Variants in CYP2S1 observed in about 807,000 individuals in gnomAD.
CYP2S1 encodes the protein cytochrome P450 2S1.
A neutral mutation model predicts 43.5 loss-of-function variants in CYP2S1; 32 were observed. That is an observed-to-expected ratio of 0.74 (90% CI 0.56 to 0.99). The LOEUF is 0.99. Among genes scored for constraint, CYP2S1 ranks in the 50% least tolerant of loss-of-function variants. The probability of loss-of-function intolerance (pLI) is 0.00; values close to 1 mark genes in which losing one functional copy is unlikely to be tolerated. For missense variants in CYP2S1, 575 were observed against 673.9 expected (o/e 0.85, Z 1.62); for synonymous variants, 283 against 302.9 (o/e 0.93, Z 0.68).
intron 5 of CYP2S1, 65 bp from the exon 6 acceptor site, chr19:41,201,166 G>T: frequency 6.4e-7 from 1 of 1,561,508 alleles, no homozygotes; most frequent in Non-Finnish European, 8.7e-7. Flanking sequence ...CCCAGGCTTG[G>T]CTGTTCTGGA....
rs1177986170 is a variant in CYP2S1, at chr19:41,194,471, CA to C, written c.178-72del. On this transcript the variant is annotated intron_variant, in intron 1 of 8. Coordinates refer to ENST00000310054, the MANE Select transcript of CYP2S1 (RefSeq NM_030622.8). ...CTAGACCCGGTGGCTCCTCAAGTGA[CA>C]GGGGCCATGATGGAGACACCTTGGA... The C allele has an allele frequency of 2.7e-6, 4 of 1,472,956 alleles. No individual in the cohort carries two copies. The African/African-American group carries it at 5.8e-5, about 21-fold the overall frequency. The allele number at this position is 1,472,956 out of a possible 1,614,324, so 91.2% of individuals were successfully genotyped here.
intron 5 of CYP2S1, 137 bp downstream of exon 5, chr19:41,199,025 C>A: frequency 8.8e-7 from 1 of 1,136,646 alleles, no homozygotes; most frequent in Non-Finnish European, 1.2e-6. Context: ...ATGAGTGTCT[C>A]TGTGCATGTG....
chr19:41,198,524 C>G lies in CYP2S1; in HGVS notation c.556C>G (p.Leu186Val), dbSNP rs1437414042. Residue 186 changes from leucine (L) to valine (V), a missense_variant, in exon 4 of 9, where the codon CTC (leucine) becomes GTC (valine). This residue lies in a region of CYP2S1 where 353 missense variants were observed against 367.6 expected (regional missense o/e 0.96). Transcript: ENST00000310054. This position sits in a 1 kb window ranked among gnomAD's most constrained non-coding sequence, Gnocchi z 4.9. Reference sequence around the variant, plus strand: ...CACCTCCAACGTAGTCTGCTCCCTCCTCTTTGGCCTCCGCTTCTCCTATGA... The same window carrying G: ...CACCTCCAACGTAGTCTGCTCCCTCGTCTTTGGCCTCCGCTTCTCCTATGA... ...QATSNVVCSL[L>V]FGLRFSYEDK... 6.2e-7 allele frequency: 1 copy of G among 1,614,200 alleles called. No individual in the cohort carries two copies. Among genetic ancestry groups the G allele is most frequent in the Admixed American group, 1.7e-5 (1 of 60,026 alleles).
Position 41,207,301 on chromosome 19 carries a change from C to T in CYP2S1, c.*813C>T, listed in dbSNP as rs1421652380. 6.1e-5 allele frequency: 12 copies of T among 198,260 alleles called. No homozygotes were observed. Among genetic ancestry groups the T allele is most frequent in the Non-Finnish European group, 1.3e-4 (12 of 95,982 alleles). The allele number at this position is 198,260 out of a possible 1,614,324, so 12.3% of individuals were successfully genotyped here. On this transcript the variant is annotated 3_prime_UTR_variant, in exon 9 of 9. Coordinates refer to ENST00000310054, the MANE Select transcript of CYP2S1 (RefSeq NM_030622.8). ...GAGGAACACCTGCCCAACCCCAACA[C>T]GTGCTTATGTAACCACGTGGAAAGC...
In CYP2S1 at chr19:41,201,380, C is replaced by T; in HGVS notation, c.976+8C>T. 1 of 1,612,936 alleles carries T rather than the reference C, an allele frequency of 6.2e-7. No homozygotes were observed. The highest frequency in any genetic ancestry group is 8.5e-7 in the Non-Finnish European group (1 of 1,179,390). On this transcript the variant is annotated splice_region_variant and intron_variant, in intron 6 of 8. Transcript: ENST00000310054. ...AATACCCTCATGTCCAAAGTAAGAG[C>T]CTTTTCCACTTGCCAGGCCTTGGGA... is the stretch of plus-strand genomic sequence containing the variant.
At chr19:41,201,421 C>A in intron 6 of CYP2S1, 49 bp downstream of exon 6, 1 of 1,591,648 alleles carries the variant, frequency 6.3e-7, no homozygotes, top group South Asian at 1.1e-5. Flanking sequence ...AGTCAGGGTT[C>A]TAGGCTGAGC....
In CYP2S1 at chr19:41,206,538, C is replaced by T; in HGVS notation, c.*50C>T. On this transcript the variant is annotated 3_prime_UTR_variant, in exon 9 of 9. Transcript: ENST00000310054. ...GTGCCCAGGACGGTGCCTCCAGCCT[C>T]AACAGTGGGCATGGACAGGGTTAAT... 1 of 1,601,568 alleles carries T rather than the reference C, an allele frequency of 6.2e-7. No homozygotes were observed. The highest frequency in any genetic ancestry group is 1.1e-5 in the South Asian group (1 of 90,828).
intron 1 of CYP2S1, 45 bp from the exon 2 acceptor site, chr19:41,194,499 C>G: frequency 6.6e-7 from 1 of 1,507,710 alleles, no homozygotes; most frequent in Non-Finnish European, 8.8e-7. Context: ...CACCTTGGAT[C>G]GAAGAGGTCA....
Position 41,206,971 on chromosome 19 carries a change from C to T in CYP2S1, c.*483C>T, listed in dbSNP as rs930509510. ...CGGGGTCATGCCACCCAGAGACTGT[C>T]GCTGTCTATGGCCCCAACTCATGCT... On this transcript the variant is annotated 3_prime_UTR_variant, in exon 9 of 9. Transcript: ENST00000310054. 13 of 366,968 alleles carry T rather than the reference C, an allele frequency of 3.5e-5. No homozygotes were observed. The highest frequency in any genetic ancestry group is 1.0e-4 in the Admixed American group (3 of 28,788). 22.7% of individuals were successfully genotyped at this position (366,968 alleles called of 1,614,324 possible).
chr19:41,206,269 CT>C lies in CYP2S1; in HGVS notation c.1307-10del. On this transcript the variant is annotated splice_polypyrimidine_tract_variant and intron_variant, in intron 8 of 8. Transcript: ENST00000310054. ...CTGACTCAGCCCTCTCTCTCTCTCT[CT>C]CCTCACCAGGGAAGCGTGTCTGCCT... is the stretch of plus-strand genomic sequence containing the variant. 1 of 1,614,006 alleles carries C rather than the reference CT, an allele frequency of 6.2e-7. No homozygotes were observed. The highest frequency in any genetic ancestry group is 8.5e-7 in the Non-Finnish European group (1 of 1,179,980).
chr19:41,198,552 A>G lies in CYP2S1; in HGVS notation c.584A>G (p.Asp195Gly). ...LLFGLRFSYEDKEFQAVVRAA... is the reference protein window; with the variant it reads ...LLFGLRFSYEGKEFQAVVRAA... ...TTTGGCCTCCGCTTCTCCTATGAGG[A>G]TAAGGAGTTCCAGGCCGTGGTCCGG... is the stretch of plus-strand genomic sequence containing the variant. Residue 195 changes from aspartate (D) to glycine (G), a missense_variant, in exon 4 of 9, where the codon GAT (aspartate) becomes GGT (glycine). Coordinates refer to ENST00000310054, the MANE Select transcript of CYP2S1 (RefSeq NM_030622.8). The surrounding 1 kb of genome is among the most constrained non-coding windows in gnomAD (Gnocchi z 4.9). The G allele has an allele frequency of 6.2e-7, 1 of 1,614,066 alleles. No homozygotes were observed. Among genetic ancestry groups the G allele is most frequent in the Non-Finnish European group, 8.5e-7 (1 of 1,179,994 alleles).
intron 2 of CYP2S1, among the ~76,000 whole-genome samples, chr19:41,195,567 C>T (rs560274498): frequency 6.6e-6 from 1 of 152,038 alleles, no homozygotes; most frequent in East Asian, 1.9e-4. Flanking sequence ...TGAGGGAAGC[C>T]CTGGGACTGT....
At position 41,206,547 on chromosome 19, in the gene CYP2S1, G is replaced by T. The variant is rs762418146; in HGVS notation, c.*59G>T. 3.1e-6 allele frequency: 5 copies of T among 1,592,694 alleles called. No homozygotes were observed. Among genetic ancestry groups the T allele is most frequent in the Admixed American group, 1.7e-5 (1 of 59,992 alleles). On this transcript the variant is annotated 3_prime_UTR_variant, in exon 9 of 9. Transcript: ENST00000310054. ...ACGGTGCCTCCAGCCTCAACAGTGG[G>T]CATGGACAGGGTTAATGTCTCCAGA...
rs1599712928 is a variant in CYP2S1, at chr19:41,198,053, G to A, written c.493+125G>A. 1.5e-6 allele frequency: 2 copies of A among 1,344,666 alleles called. No homozygotes were observed. Among genetic ancestry groups the A allele is most frequent in the East Asian group, 5.0e-5 (2 of 39,620 alleles). 83.3% of individuals were successfully genotyped at this position (1,344,666 alleles called of 1,614,324 possible). On this transcript the variant is annotated intron_variant, in intron 3 of 8. Coordinates refer to ENST00000310054, the MANE Select transcript of CYP2S1 (RefSeq NM_030622.8). The surrounding 1 kb of genome is among the most constrained non-coding windows in gnomAD (Gnocchi z 4.9). The stretch of plus-strand genomic sequence containing the variant: ...AGGAGGGGAAGCCTTGAACTCTAGG[G>A]CTGGCCTGGGGGTTCTGTTCACTGC...
rs762921880 is a variant in CYP2S1, at chr19:41,198,504, C to G, written c.536C>G (p.Ser179Cys). ...DPSLLLAQATSNVVCSLLFGL... is the reference protein window; with the variant it reads ...DPSLLLAQATCNVVCSLLFGL... ...TCCCTGCTGCTGGCCCAGGCCACCT[C>G]CAACGTAGTCTGCTCCCTCCTCTTT... The change falls in exon 4 of 9, where the codon TCC (serine) becomes TGC (cysteine). Residue 179 changes from serine to cysteine, a missense_variant. Ser to Cys is a moderately radical substitution (Grantham distance 112, BLOSUM62 -1). Transcript: ENST00000310054. The surrounding 1 kb of genome is among the most constrained non-coding windows in gnomAD (Gnocchi z 4.9). The G allele has an allele frequency of 4.3e-6, 7 of 1,614,038 alleles. No individual in the cohort carries two copies. The highest frequency in any genetic ancestry group is 5.9e-6 in the Non-Finnish European group (7 of 1,180,036).
chr19:41,198,459 C>G lies in CYP2S1; in HGVS notation c.494-3C>G, dbSNP rs756185586. On this transcript the variant is annotated splice_polypyrimidine_tract_variant and splice_region_variant and intron_variant, in intron 3 of 8. Transcript: ENST00000310054. This position sits in a 1 kb window ranked among gnomAD's most constrained non-coding sequence, Gnocchi z 4.9. ...CCTACCTCCCTGCCCCCATTCCCCCCAGGACGCCCATTCGATCCCTCCCTG... is the reference window on the plus strand; with the variant it reads ...CCTACCTCCCTGCCCCCATTCCCCCGAGGACGCCCATTCGATCCCTCCCTG... 1.9e-6 allele frequency: 3 copies of G among 1,613,722 alleles called. No individual in the cohort carries two copies. Among genetic ancestry groups the G allele is most frequent in the Non-Finnish European group, 2.5e-6 (3 of 1,179,794 alleles).
At chr19:41,202,550 G>A (rs750065154) in intron 6 of CYP2S1, among the ~76,000 whole-genome samples, 8 of 152,122 alleles carry the variant, frequency 5.3e-5, no homozygotes, top group Non-Finnish European at 1.2e-4. Flanking sequence ...AGCACTTTGG[G>A]AGGCTGAGGT....
At chr19:41,203,849 C>T (rs139703093) in intron 7 of CYP2S1, among the ~76,000 whole-genome samples, 119 of 151,484 alleles carry the variant, frequency 7.9e-4, no homozygotes, top group Middle Eastern at 3.4e-3. Context: ...GACACCCCCT[C>T]CCTTTCTGCA....
Position 41,198,459 on chromosome 19 carries a change from C to A in CYP2S1, c.494-3C>A, listed in dbSNP as rs756185586. On this transcript the variant is annotated splice_polypyrimidine_tract_variant and splice_region_variant and intron_variant, in intron 3 of 8. Transcript: ENST00000310054. This position sits in a 1 kb window ranked among gnomAD's most constrained non-coding sequence, Gnocchi z 4.9. Reference sequence around the variant, plus strand: ...CCTACCTCCCTGCCCCCATTCCCCCCAGGACGCCCATTCGATCCCTCCCTG... The same window carrying A: ...CCTACCTCCCTGCCCCCATTCCCCCAAGGACGCCCATTCGATCCCTCCCTG... 6.2e-7 allele frequency: 1 copy of A among 1,613,720 alleles called. No homozygotes were observed. Among genetic ancestry groups the A allele is most frequent in the Non-Finnish European group, 8.5e-7 (1 of 1,179,794 alleles).
Sources: gnomAD v4.1 joint callset for allele counts (sites outside exome capture counted in the v4.1 genomes callset) on GRCh38, gnomAD v4.1.1 for gene constraint, gnomAD v4.1.1 regional missense constraint, Gnocchi (gnomAD v3.1) non-coding constraint, MANE v1.5 for transcripts, NCBI Gene and HGNC (gene_info 2026-07-23, HGNC 2026-07-21) for gene names.